The following CCL22 variants were observed in gnomAD, a reference collection of about 807,000 sequenced individuals.
CCL22 encodes the protein C-C motif chemokine ligand 22.
CCL22 carries 7 observed loss-of-function variants against 7.6 expected under a neutral mutation model. The observed-to-expected ratio is 0.92, with a 90% CI of 0.52 to 1.72. The LOEUF is 1.72. CCL22 is among the 40% of genes most tolerant of loss of function. CCL22 has a pLI of 0.00. For missense variants in CCL22, 115 were observed against 124.7 expected (o/e 0.92, Z 0.37); for synonymous variants, 55 against 47.2 (o/e 1.17, Z -0.68).
chr16:57,360,466 G>C lies in CCL22; in HGVS notation c.103G>C (p.Val35Leu). 1.2e-6 allele frequency: 2 copies of C among 1,614,232 alleles called. No homozygotes were observed. The highest frequency in any genetic ancestry group is 1.7e-6 in the Non-Finnish European group (2 of 1,180,048). ...CTACGGCGCCAACATGGAAGACAGC[G>C]TCTGCTGCCGTGATTACGTCCGTTA... The part of the protein sequence containing the change: ...GPYGANMEDS[V>L]CCRDYVRYRL... The change falls in exon 2 of 3, where the codon GTC (valine) becomes CTC (leucine). Residue 35 changes from valine (V) to leucine (L), a missense_variant. Physicochemically the swap from Val to Leu is conservative, Grantham distance 32 (BLOSUM62 1). Transcript: ENST00000219235.
At chr16:57,359,447 C>T (rs1902024728) in intron 1 of CCL22, among the ~76,000 whole-genome samples, 1 of 151,626 alleles carries the variant, frequency 6.6e-6, no homozygotes, top group South Asian at 2.1e-4. Context: ...TCCTGAGTAG[C>T]TGGGATTACA....
At chr16:57,359,011 C>T (rs1327174099) in intron 1 of CCL22, 122 bp downstream of exon 1, 6 of 767,574 alleles carry the variant, frequency 7.8e-6, no homozygotes, top group Admixed American at 1.9e-5. Flanking sequence ...TTGGCTCTTG[C>T]GGCCTTCGGC....
upstream of CCL22, chr16:57,358,679 G>A (rs1902014923): frequency 7.2e-6 from 5 of 699,094 alleles, no homozygotes; most frequent in Admixed American, 8.0e-5. Flanking sequence ...CTTTTGAGAT[G>A]TGAATGTCAA....
Position 57,365,170 on chromosome 16 carries a change from A to G in CCL22, c.*1582A>G, listed in dbSNP as rs1303534819. On this transcript the variant is annotated 3_prime_UTR_variant, in exon 3 of 3. Transcript: ENST00000219235. ...TTTTACCTATGTGTCGTGTCTGCTT[A>G]CATTTCCTTCTCCCCTCAGGCTTTT... is the stretch of plus-strand genomic sequence containing the variant. 6.6e-6 allele frequency: 1 copy of G among 151,994 alleles called. No homozygotes were observed. Among genetic ancestry groups the G allele is most frequent in the East Asian group, 1.9e-4 (1 of 5,166 alleles). 9.4% of individuals were successfully genotyped at this position (151,994 alleles called of 1,614,324 possible).
chr16:57,360,283 A>C (rs2146496583), intron 1 of CCL22, among the ~76,000 whole-genome samples, 154 bp from the exon 2 acceptor site: 1 of 152,266 alleles, frequency 6.6e-6, no homozygotes, highest in African/African-American at 2.4e-5. Context: ...AGGGTCTTGG[A>C]GGGCTCAGAA....
chr16:57,358,125 C>A (rs116558249), upstream of CCL22, among the ~76,000 whole-genome samples: 1,464 of 152,194 alleles, frequency 9.6e-3, 26 homozygotes, highest in African/African-American at 0.032. Flanking sequence ...ATTTAGGAAG[C>A]AGAATCAACG....
intron 2 of CCL22, among the ~76,000 whole-genome samples, chr16:57,360,915 A>G (rs1902042203): frequency 6.6e-6 from 1 of 152,012 alleles, no homozygotes; most frequent in South Asian, 2.1e-4. Flanking sequence ...CAGGTATAGG[A>G]GTATACCTAG....
At position 57,363,735 on chromosome 16, in the gene CCL22, C is replaced by A. The variant is rs1902074843; in HGVS notation, c.*147C>A. 2 of 628,376 alleles carry A rather than the reference C, an allele frequency of 3.2e-6. No individual in the cohort carries two copies. The highest frequency in any genetic ancestry group is 5.7e-6 in the Non-Finnish European group (2 of 350,504). 38.9% of individuals were successfully genotyped at this position (628,376 alleles called of 1,614,324 possible). A position where few individuals can be genotyped will look rare whatever the true frequency, so the allele number is the denominator to read the frequency against. The stretch of plus-strand genomic sequence containing the variant: ...CATCCCTGTGGCTGTCACCCTTGGT[C>A]ACCTCCGTGCTGTCACTGCCATCTC... On this transcript the variant is annotated 3_prime_UTR_variant, in exon 3 of 3. Transcript: ENST00000219235.
chr16:57,358,904 C>G lies in CCL22; in HGVS notation c.73+15C>G, dbSNP rs2074543. On this transcript the variant is annotated intron_variant, in intron 1 of 2. Transcript: ENST00000219235. The stretch of plus-strand genomic sequence containing the variant: ...AACTGAGGCAGGTGAGGCTGGGGAG[C>G]AGGAAGACCCCCTACAGAGGCCAGG... The G allele has an allele frequency of 6.2e-7, 1 of 1,605,736 alleles. No individual in the cohort carries two copies. Among genetic ancestry groups the G allele is most frequent in the South Asian group, 1.1e-5 (1 of 90,888 alleles).
At chr16:57,359,000 G>T in intron 1 of CCL22, 111 bp downstream of exon 1, 1 of 856,012 alleles carries the variant, frequency 1.2e-6, no homozygotes, top group Non-Finnish European at 2.0e-6. Flanking sequence ...TCAGTCTGCT[G>T]TTGGCTCTTG....
Position 57,364,793 on chromosome 16 carries a change from A to ACT in CCL22, c.*1206_*1207insTC, listed in dbSNP as rs1555509459. On this transcript the variant is annotated 3_prime_UTR_variant, in exon 3 of 3. Transcript: ENST00000219235. ...AGTGCCTGGCCTCTTCCCTCTCCCCACCCCCCCCCCAACTTTTTTTTTTTT... is the reference window on the plus strand; with the variant it reads ...AGTGCCTGGCCTCTTCCCTCTCCCCACTCCCCCCCCCCAACTTTTTTTTTTTT... 0.14 allele frequency: 4,597 copies of ACT among 33,292 alleles called. 182 individuals are homozygous for ACT. The highest frequency in any genetic ancestry group is 0.36 in the South Asian group (479 of 1,344). 2.1% of individuals were successfully genotyped at this position (33,292 alleles called of 1,614,324 possible).
Position 57,360,499 on chromosome 16 carries a change from C to A in CCL22, c.136C>A (p.Pro46Thr). Residue 46 changes from proline to threonine, a missense_variant, in exon 2 of 3, where the codon CCC (proline) becomes ACC (threonine). By Grantham distance (38) the Pro-to-Thr change is conservative (BLOSUM62 -1). Coordinates refer to ENST00000219235, the MANE Select transcript of CCL22 (RefSeq NM_002990.5). ...CCGTGATTACGTCCGTTACCGTCTG[C>A]CCCTGCGCGTGGTGAAACACTTCTA... ...CCRDYVRYRLPLRVVKHFYWT... is the reference protein window; with the variant it reads ...CCRDYVRYRLTLRVVKHFYWT... 1 of 1,614,202 alleles carries A rather than the reference C, an allele frequency of 6.2e-7. No homozygotes were observed. Among genetic ancestry groups the A allele is most frequent in the Non-Finnish European group, 8.5e-7 (1 of 1,180,014 alleles).
chr16:57,363,662 C>A lies in CCL22; in HGVS notation c.*74C>A. The A allele has an allele frequency of 1.1e-6, 1 of 889,054 alleles. No individual in the cohort carries two copies. The allele number at this position is 889,054 out of a possible 1,614,324, so 55.1% of individuals were successfully genotyped here. A position where few individuals can be genotyped will look rare whatever the true frequency, so the allele number is the denominator to read the frequency against. ...GAGCCCTACCTCCCTGCCATTATAG[C>A]TGCTCCCCGCCAGAAGCCTGTGCCA... On this transcript the variant is annotated 3_prime_UTR_variant, in exon 3 of 3. Transcript: ENST00000219235.
rs1452280526 is a variant in CCL22 at position 57,365,992 on chromosome 16, T to C, written c.*2404T>C. On this transcript the variant is annotated 3_prime_UTR_variant, in exon 3 of 3. Coordinates refer to ENST00000219235, the MANE Select transcript of CCL22 (RefSeq NM_002990.5). Reference sequence around the variant, plus strand: ...AGGTTGAAAGTGTGGGGAGTGACACTGCCTAGGCATCCAGCTCAGTGTCAT... The same window carrying C: ...AGGTTGAAAGTGTGGGGAGTGACACCGCCTAGGCATCCAGCTCAGTGTCAT... 3 of 152,210 alleles carry C rather than the reference T, an allele frequency of 2.0e-5. No individual in the cohort carries two copies. Among genetic ancestry groups the C allele is most frequent in the African/African-American group, 7.2e-5 (3 of 41,452 alleles). 9.4% of individuals were successfully genotyped at this position (152,210 alleles called of 1,614,324 possible). A position where few individuals can be genotyped will look rare whatever the true frequency, so the allele number is the denominator to read the frequency against.
Position 57,363,591 on chromosome 16 carries a change from A to G in CCL22, c.*3A>G. On this transcript the variant is annotated 3_prime_UTR_variant, in exon 3 of 3. Transcript: ENST00000219235. ...TTCTCAATAAGCTGAGCCAATGAAG[A>G]GCCTACTCTGATGACCGTGGCCTTG... 6.2e-7 allele frequency: 1 copy of G among 1,606,194 alleles called. No homozygotes were observed. The highest frequency in any genetic ancestry group is 1.1e-5 in the South Asian group (1 of 90,892).
At position 57,363,558 on chromosome 16, in the gene CCL22, G is replaced by A; in HGVS notation, c.252G>A (p.Val84=). The stretch of plus-strand genomic sequence containing the variant: ...GTGCCGATCCCAGAGTGCCCTGGGT[G>A]AAGATGATTCTCAATAAGCTGAGCC... ...EICADPRVPW[V]KMILNKLSQ Residue 84 remains valine (V), a synonymous_variant, in exon 3 of 3, where the codon GTG becomes GTA. Coordinates refer to ENST00000219235, the MANE Select transcript of CCL22 (RefSeq NM_002990.5). 2 of 1,613,634 alleles carry A rather than the reference G, an allele frequency of 1.2e-6. No homozygotes were observed. Among genetic ancestry groups the A allele is most frequent in the East Asian group, 4.5e-5 (2 of 44,870 alleles).
At chr16:57,362,312 C>T (rs1902057510) in intron 2 of CCL22, among the ~76,000 whole-genome samples, 1 of 151,706 alleles carries the variant, frequency 6.6e-6, no homozygotes, top group Admixed American at 6.6e-5. Context: ...GAGACTCTGT[C>T]TTTATTTCAT....
chr16:57,358,480 C>T (rs1330485301), upstream of CCL22, among the ~76,000 whole-genome samples: 1 of 152,210 alleles, frequency 6.6e-6, no homozygotes, highest in Non-Finnish European at 1.5e-5. Flanking sequence ...GAAACCAAGT[C>T]CCAGAGACAC....
intron 2 of CCL22, 62 bp from the exon 3 acceptor site, chr16:57,363,442 G>C (rs1045819111): frequency 1.9e-6 from 2 of 1,077,808 alleles, no homozygotes; most frequent in Non-Finnish European, 2.9e-6. Context: ...AGCTCCCGAG[G>C]GTGTGGCATC....
Sources: allele counts gnomAD v4.1 joint callset (sites outside exome capture counted in the v4.1 genomes callset), GRCh38; gene constraint gnomAD v4.1.1; transcripts MANE v1.5; gene names NCBI Gene and HGNC (gene_info 2026-07-23, HGNC 2026-07-21).